Variants in PLCG2 observed in about 807,000 individuals in gnomAD.
PLCG2 encodes the protein 1-phosphatidylinositol 4,5-bisphosphate phosphodiesterase gamma-2.
Under a neutral mutation model 175.6 loss-of-function variants are expected in PLCG2, and 69 were observed. The ratio of observed to expected loss-of-function variants is 0.39; its 90% CI spans 0.32 to 0.48. PLCG2 has a LOEUF of 0.48. Among genes scored for constraint, PLCG2 ranks in the 20% least tolerant of loss-of-function variants. The pLI is 0.91. For missense variants in PLCG2, 1,798 were observed against 1,650.9 expected (o/e 1.09, Z -1.54); for synonymous variants, 827 against 624.0 (o/e 1.33, Z -4.85).
chr16:81,901,413 C>T (rs963243129), intron 14 of PLCG2, among the ~76,000 whole-genome samples: 1 of 152,184 alleles, frequency 6.6e-6, no homozygotes, highest in Non-Finnish European at 1.5e-5. Context: ...ATTTCTTCCC[C>T]ATGCGAGGGA....
chr16:81,743,001 C>A (rs1055514957), intron 1 of PLCG2, among the ~76,000 whole-genome samples: 3 of 152,128 alleles, frequency 2.0e-5, no homozygotes, highest in Non-Finnish European at 2.9e-5. Flanking sequence ...TATGTTTTAT[C>A]GACAGAAGAA....
rs780050470 is a variant in PLCG2, at chr16:81,959,437, G to A, written c.*1439G>A. On this transcript the variant is annotated 3_prime_UTR_variant, in exon 33 of 33. Coordinates refer to ENST00000564138, the MANE Select transcript of PLCG2 (RefSeq NM_002661.5). ...CTCCACATGCCAAATACAGTGCCAA[G>A]ATTTGGGGGTGTGGATGTTTAAACA... The A allele has an allele frequency of 6.4e-5, 14 of 220,450 alleles. No individual in the cohort carries two copies. Among genetic ancestry groups the A allele is most frequent in the Admixed American group, 1.2e-4 (2 of 17,290 alleles). The allele number at this position is 220,450 out of a possible 1,614,324, so 13.7% of individuals were successfully genotyped here. A position where few individuals can be genotyped will look rare whatever the true frequency, so the allele number is the denominator to read the frequency against.
At chr16:81,767,136 GTTTTTTT>G (rs66799783) in intron 2 of PLCG2, among the ~76,000 whole-genome samples, 1 of 71,772 alleles carries the variant, frequency 1.4e-5, no homozygotes, top group Non-Finnish European at 2.5e-5. Context: ...TAAACTCGTG[GTTTTTTT>G]TTTTTTTTTT....
chr16:81,860,485 T>G (rs1464245821), intron 5 of PLCG2, among the ~76,000 whole-genome samples: 3 of 152,148 alleles, frequency 2.0e-5, no homozygotes, highest in Admixed American at 6.5e-5. Flanking sequence ...TTGTATAATA[T>G]TTCTACCAGT....
intron 1 of PLCG2, among the ~76,000 whole-genome samples, chr16:81,746,140 G>C (rs971912614): frequency 1.5e-4 from 23 of 152,208 alleles, no homozygotes; most frequent in Middle Eastern, 3.2e-3. Flanking sequence ...AAGTCAGACA[G>C]GACCAGCCCA....
intron 7 of PLCG2, among the ~76,000 whole-genome samples, chr16:81,880,176 G>C (rs551737126): frequency 6.6e-6 from 1 of 152,300 alleles, no homozygotes; most frequent in East Asian, 1.9e-4. Flanking sequence ...AGGAGAGTGA[G>C]GCTGTGGTGA....
Position 81,936,191 on chromosome 16 carries a change from C to T in PLCG2, c.2865C>T (p.Ile955=). 1.2e-6 allele frequency: 2 copies of T among 1,614,118 alleles called. No individual in the cohort carries two copies. The highest frequency in any genetic ancestry group is 1.7e-6 in the Non-Finnish European group (2 of 1,180,046). ...DNLENPDFRE[I]RSFVETKADS... is the part of the protein sequence containing the mutation. ...CAGAAAATCCTGACTTCCGAGAAAT[C>T]CGCTCCTTTGTGGAGACGAAGGCTG... Residue 955 remains isoleucine, a synonymous_variant, in exon 27 of 33, where the codon ATC becomes ATT. Coordinates refer to ENST00000564138, the MANE Select transcript of PLCG2 (RefSeq NM_002661.5).
rs186377096 is a variant in PLCG2 at position 81,784,226 on chromosome 16, C to T, written c.-47-1717C>T. 3.9e-5 allele frequency among the ~76,000 whole-genome samples: 6 copies of T among 152,176 alleles called. No homozygotes were observed. In the South Asian group the frequency reaches 6.2e-4, roughly 16 times the overall value. Reference sequence around the variant, plus strand: ...GGCAAATCCTGGGCCCCTCCCCATTCCCCTCATTTGCATCCTAGTCCCCAC... The same window carrying T: ...GGCAAATCCTGGGCCCCTCCCCATTTCCCTCATTTGCATCCTAGTCCCCAC... On this transcript the variant is annotated intron_variant, in intron 1 of 32. Coordinates refer to ENST00000564138, the MANE Select transcript of PLCG2 (RefSeq NM_002661.5).
At chr16:81,785,476 G>A (rs1910926977) in intron 1 of PLCG2, among the ~76,000 whole-genome samples, 1 of 141,818 alleles carries the variant, frequency 7.1e-6, no homozygotes, top group Non-Finnish European at 1.5e-5. Context: ...TGAAGGTTTA[G>A]TTTGTTTTTC....
chr16:81,897,950 C>A, intron 13 of PLCG2: 1 of 441,102 alleles, frequency 2.3e-6, no homozygotes, highest in South Asian at 1.6e-5. Flanking sequence ...TTGGTGAAAA[C>A]CTTTCAATGA....
chr16:81,911,597 C>CTAATTAATTAATTAATTAAT (rs58191847), intron 18 of PLCG2, among the ~76,000 whole-genome samples: 4 of 146,454 alleles, frequency 2.7e-5, no homozygotes, highest in East Asian at 2.0e-4. Context: ...CTGTGCCCAG[C>CTAATTAATTAATTAATTAAT]TAATTAATTA....
chr16:81,763,508 G>A (rs893271698), intron 2 of PLCG2, among the ~76,000 whole-genome samples: 2 of 152,220 alleles, frequency 1.3e-5, no homozygotes, highest in African/African-American at 2.4e-5. Flanking sequence ...GTGAGCAGAG[G>A]TGAACTTTAC....
rs149756393 is a variant in PLCG2 at position 81,773,738 on chromosome 16, C to T, written c.-47-12205C>T. ...CATGCCCAGGACTTGGATATGCGTT[C>T]GCAGACTCACTCCTCCACAGCAGCC... On this transcript the variant is annotated intron_variant, in intron 2 of 5. Coordinates refer to the PLCG2 transcript ENST00000565054. 4.7e-4 allele frequency among the ~76,000 whole-genome samples: 71 copies of T among 152,216 alleles called. 5 individuals carry two copies. Among genetic ancestry groups the T allele is most frequent in the African/African-American group, 1.9e-4 (8 of 41,530 alleles).
intron 2 of PLCG2, among the ~76,000 whole-genome samples, chr16:81,790,442 T>G (rs943502749): frequency 1.3e-5 from 2 of 152,194 alleles, no homozygotes; most frequent in Non-Finnish European, 2.9e-5. Flanking sequence ...CCTCACACCT[T>G]GAGAGAGCAG....
At chr16:81,861,900 A>T (rs1020355975) in intron 5 of PLCG2, among the ~76,000 whole-genome samples, 2 of 152,180 alleles carry the variant, frequency 1.3e-5, no homozygotes, top group African/African-American at 4.8e-5. Flanking sequence ...CGGCTGGTCC[A>T]GGACCCTCTG....
In PLCG2 at chr16:81,759,842, G is replaced by A. The variant is rs1302045512; in HGVS notation, c.-48+3876G>A. Among the ~76,000 whole-genome samples, 4 of 152,332 alleles carry A rather than the reference G, an allele frequency of 2.6e-5. No homozygotes were observed. In the East Asian group the frequency reaches 5.8e-4, roughly 22 times the overall value. On this transcript the variant is annotated intron_variant, in intron 2 of 5. Transcript: ENST00000565054. ...TTCTTTCTATAGTTAAGAATACAATGTAGGCCGGGCGTGGTGGCTCACGCC... is the reference window on the plus strand; with the variant it reads ...TTCTTTCTATAGTTAAGAATACAATATAGGCCGGGCGTGGTGGCTCACGCC...
chr16:81,803,207 C>G (rs919491521), intron 2 of PLCG2, among the ~76,000 whole-genome samples: 1 of 151,224 alleles, frequency 6.6e-6, no homozygotes, highest in East Asian at 2.0e-4. Flanking sequence ...CAAGCTCTGC[C>G]TCATGGGTTC....
chr16:81,853,330 C>CAAAAA (rs10579049), intron 2 of PLCG2, among the ~76,000 whole-genome samples: 1 of 144,076 alleles, frequency 6.9e-6, no homozygotes, highest in African/African-American at 2.6e-5. Context: ...GATTCTGTCT[C>CAAAAA]AAAAAAAAAA....
At chr16:81,903,085 C>A (rs1451757614) in intron 14 of PLCG2, among the ~76,000 whole-genome samples, 1 of 152,204 alleles carries the variant, frequency 6.6e-6, no homozygotes, top group African/African-American at 2.4e-5. Flanking sequence ...AAGCTACCAT[C>A]TCCAAATACC....
Sources: gnomAD v4.1 joint callset for allele counts (sites outside exome capture counted in the v4.1 genomes callset) on GRCh38, gnomAD v4.1.1 for gene constraint, MANE v1.5 for transcripts, NCBI Gene and HGNC (gene_info 2026-07-23, HGNC 2026-07-21) for gene names.